Variants in APP observed in about 807,000 individuals in gnomAD.
APP encodes amyloid beta precursor protein.
In APP, 31 loss-of-function variants were observed where a neutral mutation model predicts 101.4. The ratio of observed to expected loss-of-function variants is 0.31; its 90% CI spans 0.23 to 0.41. APP has a LOEUF of 0.41. APP is among the 10% of genes least tolerant of loss of function. APP has a pLI of 1.00. For missense variants in APP, 839 were observed against 1,003.7 expected, an observed-to-expected ratio of 0.84 and a Z score of 2.22; for synonymous variants, 366 against 364.4, an observed-to-expected ratio of 1.00 and a Z score of -0.05.
At chr21:26,159,706 C>A (rs150361004) in intron 1 of APP, among the ~76,000 whole-genome samples, 32 of 152,156 alleles carry the variant, frequency 2.1e-4, no homozygotes, top group African/African-American at 7.5e-4. Context: ...TCTGCAACAA[C>A]AAGACACTAA....
At chr21:25,945,244 G>T (rs531578067) in intron 13 of APP, among the ~76,000 whole-genome samples, 2 of 152,062 alleles carry the variant, frequency 1.3e-5, no homozygotes, top group Non-Finnish European at 1.5e-5. Context: ...AAATACTAAC[G>T]TTCCTGAATG....
At chr21:25,944,475 T>A (rs1015042909) in intron 13 of APP, among the ~76,000 whole-genome samples, 14 of 152,214 alleles carry the variant, frequency 9.2e-5, no homozygotes. Flanking sequence ...TGTTAACTAA[T>A]AATGGCACTT....
chr21:26,040,901 C>T (rs1376900997), intron 5 of APP, among the ~76,000 whole-genome samples: 1 of 152,180 alleles, frequency 6.6e-6, no homozygotes, highest in Non-Finnish European at 1.5e-5. Flanking sequence ...TGGCATTAGT[C>T]TACCACCTAC....
intron 13 of APP, chr21:25,946,049 C>A: frequency 2.8e-6 from 1 of 358,468 alleles, no homozygotes; most frequent in Non-Finnish European, 5.6e-6. Context: ...TAAAGTCAAA[C>A]CTCTACCTCA....
At chr21:25,995,051 A>G (rs1404575879) in intron 8 of APP, among the ~76,000 whole-genome samples, 1 of 152,132 alleles carries the variant, frequency 6.6e-6, no homozygotes, top group Non-Finnish European at 1.5e-5. Flanking sequence ...AAGTAGATGG[A>G]GAAAATTACT....
At chr21:25,979,359 C>A (rs1458630281) in intron 9 of APP, among the ~76,000 whole-genome samples, 1 of 152,134 alleles carries the variant, frequency 6.6e-6, no homozygotes, top group Non-Finnish European at 1.5e-5. Flanking sequence ...ACTGCAGGCA[C>A]AAAGGTATCA....
intron 8 of APP, among the ~76,000 whole-genome samples, chr21:25,990,359 T>C (rs1419656388): frequency 1.3e-5 from 2 of 152,240 alleles, no homozygotes; most frequent in Admixed American, 6.5e-5. Context: ...TATTTTTTTA[T>C]TAACATCTAT....
intron 13 of APP, among the ~76,000 whole-genome samples, chr21:25,913,327 A>G (rs1401284480): frequency 6.6e-6 from 1 of 152,228 alleles, no homozygotes; most frequent in African/African-American, 2.4e-5. Flanking sequence ...GTCTAATCTG[A>G]GTTATAATAT....
At chr21:25,962,381 C>T (rs2041618490) in intron 11 of APP, among the ~76,000 whole-genome samples, 1 of 152,160 alleles carries the variant, frequency 6.6e-6, no homozygotes, top group Admixed American at 6.5e-5. Flanking sequence ...TGTATTTCTA[C>T]CTCTAGGCAC....
chr21:25,907,434 T>G (rs997616663), intron 14 of APP, among the ~76,000 whole-genome samples: 1 of 152,228 alleles, frequency 6.6e-6, no homozygotes, highest in Non-Finnish European at 1.5e-5. Flanking sequence ...GCAAATACTT[T>G]CCAATTTTTC....
chr21:26,009,412 T>C lies in APP; in HGVS notation c.866-9230A>G, dbSNP rs62222415. ...AGATCCAGTACCAAGATCATAATTT[T>C]CTTACTCATATTAAGACTATTGAAA... On this transcript the variant is annotated intron_variant, in intron 6 of 17. Coordinates refer to ENST00000346798, the MANE Select transcript of APP (RefSeq NM_000484.4). Among the ~76,000 whole-genome samples, 914 of 152,250 alleles carry C rather than the reference T, an allele frequency of 6.0e-3. 6 individuals are homozygous for C. Among genetic ancestry groups the C allele is most frequent in the Non-Finnish European group, 0.01 (698 of 68,010 alleles).
At position 26,090,445 on chromosome 21, in the gene APP, C is replaced by A. The variant is rs2061799056; in HGVS notation, c.226-373G>T. On this transcript the variant is annotated intron_variant, in intron 2 of 17. Transcript: ENST00000346798. Reference sequence around the variant, plus strand: ...CAAGCCTGCTCTACCTCTGACCAAGCTAAAGAAATTCAGTACAAAGAAAAA... The same window carrying A: ...CAAGCCTGCTCTACCTCTGACCAAGATAAAGAAATTCAGTACAAAGAAAAA... 2.3e-5 allele frequency among the ~76,000 whole-genome samples: 3 copies of A among 130,272 alleles called. No individual in the cohort carries two copies. In the South Asian group the frequency reaches 8.6e-4, roughly 37 times the overall value. The allele number at this position is 130,272 out of a possible 152,430, so 85.5% of individuals were successfully genotyped here.
chr21:26,056,813 C>T (rs1481742268), intron 3 of APP, among the ~76,000 whole-genome samples: 2 of 152,126 alleles, frequency 1.3e-5, no homozygotes, highest in Non-Finnish European at 1.5e-5. Context: ...TGTATTCTAA[C>T]ATTAAAATAA....
intron 8 of APP, among the ~76,000 whole-genome samples, chr21:25,991,186 G>A (rs1411564917): frequency 6.6e-6 from 1 of 151,792 alleles, no homozygotes; most frequent in African/African-American, 2.4e-5. Context: ...AAGGAGGAGA[G>A]GGATAAAAAA....
rs201020743 is a variant in APP at position 25,891,743 on chromosome 21, G to A, written c.2190C>T (p.Ser730=). The part of the protein sequence containing the change: ...LVMLKKKQYT[S]IHHGVVEVDA... ...CTACCTCCACCACACCATGATGAAT[G>A]GATGTGTACTGTTTCTTCTTCAGCA... Residue 730 remains serine (S), a synonymous_variant, in exon 17 of 18, where the codon TCC becomes TCT. Coordinates refer to ENST00000346798, the MANE Select transcript of APP (RefSeq NM_000484.4). 1 of 1,614,088 alleles carries A rather than the reference G, an allele frequency of 6.2e-7. No homozygotes were observed. Among genetic ancestry groups the A allele is most frequent in the Non-Finnish European group, 8.5e-7 (1 of 1,179,974 alleles).
chr21:26,148,994 T>C (rs2063208887), intron 1 of APP, among the ~76,000 whole-genome samples: 1 of 152,080 alleles, frequency 6.6e-6, no homozygotes, highest in African/African-American at 2.4e-5. Context: ...CACTTGGGAT[T>C]GAGAAAAAGG....
intron 2 of APP, among the ~76,000 whole-genome samples, chr21:26,098,451 A>T (rs761808128): frequency 5.3e-5 from 8 of 151,604 alleles, no homozygotes; most frequent in Non-Finnish European, 8.8e-5. Flanking sequence ...TGTATATATT[A>T]AAAAAAAACT....
At chr21:25,927,729 T>C in intron 13 of APP, among the ~76,000 whole-genome samples, 1 of 152,164 alleles carries the variant, frequency 6.6e-6, no homozygotes, top group East Asian at 1.9e-4. Context: ...TTTGTGAAAA[T>C]ATTCCTTATT....
chr21:26,065,668 G>C (rs968518825), intron 3 of APP, among the ~76,000 whole-genome samples: 2 of 152,120 alleles, frequency 1.3e-5, no homozygotes, highest in African/African-American at 2.4e-5. Context: ...TCATTCCAAT[G>C]TTCAGGACCC....
Sources: allele counts gnomAD v4.1 joint callset (sites outside exome capture counted in the v4.1 genomes callset), GRCh38; gene constraint gnomAD v4.1.1; transcripts MANE v1.5; gene names NCBI Gene and HGNC (gene_info 2026-07-23, HGNC 2026-07-21).